CDH26: variants seen among roughly 807,000 people sequenced by gnomAD.
CDH26 encodes the protein cadherin-like protein 26.
Under a neutral mutation model 90.3 loss-of-function variants are expected in CDH26, and 83 were observed. The ratio of observed to expected loss-of-function variants is 0.92; its 90% CI spans 0.77 to 1.10. The LOEUF (loss-of-function observed/expected upper bound fraction) is 1.10. Among genes scored for constraint, CDH26 ranks in the 50% least tolerant of loss-of-function variants. The pLI is 0.00. For synonymous variants in CDH26, 397 were observed against 396.3 expected, an observed-to-expected ratio of 1.00 and a Z score of -0.02; for missense variants, 1,013 against 1,037.6, an observed-to-expected ratio of 0.98 and a Z score of 0.33.
chr20:59,970,803 G>C (rs2061251379), intron 3 of CDH26, among the ~76,000 whole-genome samples: 2 of 143,882 alleles, frequency 1.4e-5, no homozygotes. Flanking sequence ...GCGAGACTCT[G>C]TCTCAAAAAT....
intron 1 of CDH26, among the ~76,000 whole-genome samples, chr20:59,962,081 G>A (rs1394653182): frequency 6.6e-6 from 1 of 152,210 alleles, no homozygotes; most frequent in Non-Finnish European, 1.5e-5. Flanking sequence ...AGAAGGTGGG[G>A]ATAGTGTGGT....
At chr20:59,989,387 G>A (rs2061499542) in intron 9 of CDH26, among the ~76,000 whole-genome samples, 1 of 151,640 alleles carries the variant, frequency 6.6e-6, no homozygotes, top group Non-Finnish European at 1.5e-5. Context: ...AATTAGCCGG[G>A]CGCGGTGGCG....
chr20:59,976,434 T>C (rs2061329188), intron 4 of CDH26, among the ~76,000 whole-genome samples: 1 of 152,224 alleles, frequency 6.6e-6, no homozygotes, highest in African/African-American at 2.4e-5. Context: ...AAAGGTCTCA[T>C]ACGTAGCTTT....
chr20:59,965,560 T>C (rs2061137646), intron 1 of CDH26, among the ~76,000 whole-genome samples: 2 of 152,248 alleles, frequency 1.3e-5, no homozygotes, highest in Admixed American at 6.5e-5. Context: ...ATATTTTGAA[T>C]GTCCGGCTTT....
chr20:59,985,098 A>G lies in CDH26; in HGVS notation c.806A>G (p.Asn269Ser). The G allele has an allele frequency of 6.2e-7, 1 of 1,613,978 alleles. No individual in the cohort carries two copies. Residue 269 changes from asparagine to serine, a missense_variant, in exon 7 of 18, where the codon AAC becomes AGC. By Grantham distance (46) the Asn-to-Ser change is conservative. Transcript: ENST00000348616. The part of the protein sequence containing the change: ...TTVHVDVQEG[N>S]NHRPAFTQEN... ...GTTCACGTGGATGTGCAAGAAGGCA[A>G]CAACCACAGGCCTGCATTTACCCAG...
At chr20:59,999,392 A>G (rs2061645010) in intron 13 of CDH26, among the ~76,000 whole-genome samples, 194 bp from the exon 14 acceptor site, 1 of 152,236 alleles carries the variant, frequency 6.6e-6, no homozygotes, top group African/African-American at 2.4e-5. Context: ...ACAAAAGGCA[A>G]ACAGAAATAA....
At chr20:60,005,189 A>G (rs1205407580) in intron 16 of CDH26, among the ~76,000 whole-genome samples, 1 of 152,192 alleles carries the variant, frequency 6.6e-6, no homozygotes, top group East Asian at 1.9e-4. Context: ...TATAGTATAT[A>G]ATACATATGA....
In CDH26 at chr20:59,992,154, A is replaced by T. The variant is rs773743326; in HGVS notation, c.1284-224A>T. 6.6e-6 allele frequency among the ~76,000 whole-genome samples: 1 copy of T among 152,182 alleles called. No individual in the cohort carries two copies. The highest frequency in any genetic ancestry group is 1.5e-5 in the Non-Finnish European group (1 of 68,004). ...AGGGGGACGCTTGGTCTTCTGGTGA[A>T]TGTCAATTCCACAGACCTAGGAGAG... On this transcript the variant is annotated intron_variant, in intron 9 of 17. Coordinates refer to ENST00000348616, the MANE Select transcript of CDH26 (RefSeq NM_177980.4). The surrounding 1 kb of genome is among the most constrained non-coding windows in gnomAD (Gnocchi z 5.0).
In CDH26 at chr20:60,012,843, T is replaced by C. The variant is rs867708006; in HGVS notation, c.*113T>C. 1.1e-6 allele frequency: 1 copy of C among 927,792 alleles called. No individual in the cohort carries two copies. Among genetic ancestry groups the C allele is most frequent in the Admixed American group, 2.4e-5 (1 of 42,168 alleles). The allele number at this position is 927,792 out of a possible 1,614,324, so 57.5% of individuals were successfully genotyped here. A position where few individuals can be genotyped will look rare whatever the true frequency, so the allele number is the denominator to read the frequency against. Reference sequence around the variant, plus strand: ...CCTTAAAAGAAAAATTACCTTCTAGTCCTAGGATGAGGACACACTATTAGT... The same window carrying C: ...CCTTAAAAGAAAAATTACCTTCTAGCCCTAGGATGAGGACACACTATTAGT... On this transcript the variant is annotated 3_prime_UTR_variant, in exon 18 of 18. Coordinates refer to ENST00000348616, the MANE Select transcript of CDH26 (RefSeq NM_177980.4).
intron 16 of CDH26, among the ~76,000 whole-genome samples, chr20:60,006,268 A>G (rs79581754): frequency 0.011 from 1,655 of 152,290 alleles, 38 homozygotes; most frequent in African/African-American, 0.038. Flanking sequence ...CTCTGCCCTT[A>G]GATAGCACAG....
intron 7 of CDH26, among the ~76,000 whole-genome samples, chr20:59,986,616 T>TACACACACACAC (rs3043440): frequency 7.3e-6 from 1 of 136,770 alleles, no homozygotes; most frequent in African/African-American, 2.7e-5. Context: ...TAAATCCCCC[T>TACACACACACAC]ACACACACAC....
rs567465566 is a variant in CDH26 at position 60,002,352 on chromosome 20, G to A, written c.2167-461G>A. ...TGGTCCTGTTCGGGCCAGCTGCATG[G>A]ACATGGAACACCCACCATGGCACAG... On this transcript the variant is annotated intron_variant, in intron 15 of 17. Coordinates refer to ENST00000348616, the MANE Select transcript of CDH26 (RefSeq NM_177980.4). Among the ~76,000 whole-genome samples the A allele has an allele frequency of 5.8e-4, 88 of 151,804 alleles. No individual in the cohort carries two copies. The South Asian group carries it at 6.3e-3, about 11-fold the overall frequency.
intron 8 of CDH26, among the ~76,000 whole-genome samples, chr20:60,033,208 G>A (rs1319810386): frequency 6.6e-6 from 1 of 152,134 alleles, no homozygotes; most frequent in African/African-American, 2.4e-5. Flanking sequence ...CGGTAAAATG[G>A]GGAAAATAGT....
At position 59,983,078 on chromosome 20, in the gene CDH26, C is replaced by A. The variant is rs115580533; in HGVS notation, c.541+8C>A. ...AAGAAAACCAATCTGCAGGTGTGTG[C>A]GGCTGGGGGGCTGCCGGGCTTCCTT... is the stretch of plus-strand genomic sequence containing the variant. On this transcript the variant is annotated splice_region_variant and intron_variant, in intron 5 of 17. Coordinates refer to ENST00000348616, the MANE Select transcript of CDH26 (RefSeq NM_177980.4). The A allele has an allele frequency of 1.6e-5, 26 of 1,612,186 alleles. No individual in the cohort carries two copies. Among genetic ancestry groups the A allele is most frequent in the Non-Finnish European group, 2.2e-5 (26 of 1,178,976 alleles).
intron 14 of CDH26, among the ~76,000 whole-genome samples, chr20:60,000,669 A>G (rs1006815016): frequency 1.3e-5 from 2 of 152,134 alleles, no homozygotes; most frequent in Admixed American, 6.5e-5. Flanking sequence ...TTGCTTCCCT[A>G]TTTTACAGGG....
At position 60,021,875 on chromosome 20, in the gene CDH26, CACACACACACACACACACACACATAT is replaced by C. The variant is rs2061957996; in HGVS notation, c.948-9354_948-9329del. On this transcript the variant is annotated intron_variant, in intron 7 of 8. Transcript: ENST00000370991. ...ACACACACACACACACACACACACA[CACACACACACACACACACACACATAT>C]ATATATATATATATATCCTGACTAT... Among the ~76,000 whole-genome samples, 8 of 103,376 alleles carry C rather than the reference CACACACACACACACACACACACATAT, an allele frequency of 7.7e-5. No individual in the cohort carries two copies. The Admixed American group carries it at 8.2e-4, about 11-fold the overall frequency. The allele number at this position is 103,376 out of a possible 152,430, so 67.8% of individuals were successfully genotyped here. A position where few individuals can be genotyped will look rare whatever the true frequency, so the allele number is the denominator to read the frequency against.
In CDH26 at chr20:59,996,859, C is replaced by A. The variant is rs146226002; in HGVS notation, c.2019+98C>A. 6 of 1,486,138 alleles carry A rather than the reference C, an allele frequency of 4.0e-6. No individual in the cohort carries two copies. The African/African-American group carries it at 5.6e-5, about 14-fold the overall frequency. The allele number at this position is 1,486,138 out of a possible 1,614,324, so 92.1% of individuals were successfully genotyped here. A position where few individuals can be genotyped will look rare whatever the true frequency, so the allele number is the denominator to read the frequency against. On this transcript the variant is annotated intron_variant, in intron 13 of 17. Coordinates refer to ENST00000348616, the MANE Select transcript of CDH26 (RefSeq NM_177980.4). ...CCCCCCATTGTGCCACCTCTTAATT[C>A]TTCACTCTTACCCGTGTTTCAGTAG...
In CDH26 at chr20:60,012,636, T is replaced by G; in HGVS notation, c.2405T>G (p.Leu802Trp). ...GAPSLSSLAS[L>W]EQELQPDLLD... ...CCATCCCTCAGCTCTCTGGCCAGCTTGGAACAGGAGTTGCAACCTGATTTG... is the reference window on the plus strand; with the variant it reads ...CCATCCCTCAGCTCTCTGGCCAGCTGGGAACAGGAGTTGCAACCTGATTTG... Residue 802 changes from leucine (L) to tryptophan (W), a missense_variant, in exon 18 of 18, where the codon TTG becomes TGG. Leu to Trp is a moderately conservative substitution (Grantham distance 61). Transcript: ENST00000348616. The G allele has an allele frequency of 2.5e-6, 4 of 1,613,612 alleles. No individual in the cohort carries two copies. Among genetic ancestry groups the G allele is most frequent in the Non-Finnish European group, 1.7e-6 (2 of 1,179,836 alleles).
chr20:60,035,821 C>A (rs1328801692), downstream of CDH26, among the ~76,000 whole-genome samples: 1 of 151,970 alleles, frequency 6.6e-6, no homozygotes, highest in Non-Finnish European at 1.5e-5. Flanking sequence ...TCTCTCCTGC[C>A]ACCTTGTGAA....
Sources: gnomAD v4.1 joint callset for allele counts (sites outside exome capture counted in the v4.1 genomes callset) on GRCh38, gnomAD v4.1.1 for gene constraint, Gnocchi (gnomAD v3.1) non-coding constraint, MANE v1.5 for transcripts, NCBI Gene and HGNC (gene_info 2026-07-23, HGNC 2026-07-21) for gene names.